CHRDL2: variants seen among roughly 807,000 people sequenced by gnomAD.
The protein encoded by CHRDL2 is chordin like 2.
In CHRDL2, 41 loss-of-function variants were observed where a neutral mutation model predicts 54.3. The ratio of observed to expected loss-of-function variants is 0.76; its 90% CI spans 0.59 to 0.98. The LOEUF (loss-of-function observed/expected upper bound fraction) is 0.98. CHRDL2 is among the 50% of genes least tolerant of loss of function. CHRDL2 has a pLI of 0.00. For missense variants in CHRDL2, 518 were observed against 562.4 expected, an observed-to-expected ratio of 0.92 and a Z score of 0.80; for synonymous variants, 220 against 224.3, an observed-to-expected ratio of 0.98 and a Z score of 0.17.
At chr11:74,698,977 C>G (rs1482668947) in intron 9 of CHRDL2, 1 of 152,288 alleles carries the variant, frequency 6.6e-6, no homozygotes, top group Non-Finnish European at 1.5e-5. Context: ...TTATGGGAAT[C>G]AGCGTGGGAT....
At chr11:74,703,190 G>T in intron 8 of CHRDL2, 115 bp downstream of exon 8, 1 of 1,256,386 alleles carries the variant, frequency 8.0e-7, no homozygotes, top group Non-Finnish European at 1.1e-6. Context: ...GCATCCTGTG[G>T]CACCGATGCA....
chr11:74,729,073 A>C (rs755517298), intron 1 of CHRDL2, among the ~76,000 whole-genome samples: 1 of 152,212 alleles, frequency 6.6e-6, no homozygotes, highest in Non-Finnish European at 1.5e-5. Flanking sequence ...AAAGGCTGAC[A>C]AGATATGGGA....
At chr11:74,723,695 A>C (rs915899747) in intron 1 of CHRDL2, among the ~76,000 whole-genome samples, 4 of 152,194 alleles carry the variant, frequency 2.6e-5, no homozygotes, top group African/African-American at 9.7e-5. Context: ...GACAGCTACC[A>C]AGTGATTAAC....
At chr11:74,725,776 T>C (rs1484488216) in intron 1 of CHRDL2, among the ~76,000 whole-genome samples, 1 of 152,092 alleles carries the variant, frequency 6.6e-6, no homozygotes, top group Non-Finnish European at 1.5e-5. Context: ...AGGTCTGGAA[T>C]TGTGGCTGGC....
intron 7 of CHRDL2, 94 bp downstream of exon 7, chr11:74,704,392 T>C: frequency 8.5e-7 from 1 of 1,175,268 alleles, no homozygotes; most frequent in Non-Finnish European, 1.2e-6. Flanking sequence ...AGGGAACTGC[T>C]GAGGAGAGGG....
At chr11:74,706,371 G>T in intron 6 of CHRDL2, 116 bp downstream of exon 6, 1 of 1,016,412 alleles carries the variant, frequency 9.8e-7, no homozygotes, top group South Asian at 1.4e-5. Flanking sequence ...AGCCAACCCA[G>T]GGGACAAACA....
At chr11:74,706,967 C>T (rs1222837920) in intron 5 of CHRDL2, among the ~76,000 whole-genome samples, 1 of 152,194 alleles carries the variant, frequency 6.6e-6, no homozygotes, top group Non-Finnish European at 1.5e-5. Context: ...GGCAGCCACA[C>T]TTGAAGTCAG....
intron 1 of CHRDL2, among the ~76,000 whole-genome samples, chr11:74,726,491 A>C (rs1484856267): frequency 6.6e-6 from 1 of 152,224 alleles, no homozygotes; most frequent in Non-Finnish European, 1.5e-5. Context: ...TACAAGAATG[A>C]GGATGGGGTC....
In CHRDL2 at chr11:74,731,012, G is replaced by C. The variant is rs79981959; in HGVS notation, c.-124C>G. The C allele has an allele frequency of 2.7e-3, 2,088 of 767,502 alleles. 51 individuals carry two copies. In the East Asian group the frequency reaches 0.047, roughly 17 times the overall value. The allele number at this position is 767,502 out of a possible 1,614,324, so 47.5% of individuals were successfully genotyped here. A position where few individuals can be genotyped will look rare whatever the true frequency, so the allele number is the denominator to read the frequency against. ...CCCCAGGAGGTCTGCTGCTAGAGCG[G>C]GGTCGGAGAAGGGCCAGGAAGCAGC... On this transcript the variant is annotated 5_prime_UTR_variant, in exon 1 of 11. Transcript: ENST00000376332. This position sits in a 1 kb window ranked among gnomAD's most constrained non-coding sequence, Gnocchi z 4.4.
At chr11:74,724,119 T>C (rs1293657497) in intron 1 of CHRDL2, among the ~76,000 whole-genome samples, 1 of 152,238 alleles carries the variant, frequency 6.6e-6, no homozygotes, top group South Asian at 2.1e-4. Context: ...GGCGTGAGCA[T>C]AGGGTCTTCA....
At chr11:74,714,534 G>T (rs1281559110) in intron 2 of CHRDL2, among the ~76,000 whole-genome samples, 2 of 152,210 alleles carry the variant, frequency 1.3e-5, no homozygotes, top group African/African-American at 4.8e-5. Context: ...GAAGACCCTT[G>T]ACTGGCCCTA....
chr11:74,702,696 C>T, intron 9 of CHRDL2, 98 bp downstream of exon 9: 1 of 1,292,622 alleles, frequency 7.7e-7, no homozygotes, highest in Non-Finnish European at 1.1e-6. Context: ...CCAGAGGCAC[C>T]TGATCAGCAA....
intron 3 of CHRDL2, among the ~76,000 whole-genome samples, chr11:74,713,092 AG>A (rs1412796593): frequency 6.6e-6 from 1 of 152,108 alleles, no homozygotes; most frequent in Non-Finnish European, 1.5e-5. Flanking sequence ...GGCCCAAGGG[AG>A]ACTGGAGCCT....
intron 4 of CHRDL2, among the ~76,000 whole-genome samples, chr11:74,709,946 G>A (rs1234451398): frequency 1.3e-5 from 2 of 152,226 alleles, no homozygotes; most frequent in African/African-American, 4.8e-5. Flanking sequence ...GCTGGGCGCG[G>A]TGGCTCACGC....
intron 1 of CHRDL2, among the ~76,000 whole-genome samples, chr11:74,728,157 G>T (rs556232721): frequency 6.6e-6 from 1 of 152,298 alleles, no homozygotes; most frequent in African/African-American, 2.4e-5. Flanking sequence ...AATACTTTTT[G>T]TTTGAATAGC....
intron 10 of CHRDL2, among the ~76,000 whole-genome samples, chr11:74,696,866 G>A (rs2033613006): frequency 6.6e-6 from 1 of 152,164 alleles, no homozygotes; most frequent in African/African-American, 2.4e-5. Context: ...CCCCACCTGG[G>A]TCCATCTTCC....
Position 74,696,542 on chromosome 11 carries a change from G to A in CHRDL2, c.1257C>T (p.Val419=), listed in dbSNP as rs1218725448. The A allele has an allele frequency of 3.1e-6, 5 of 1,614,014 alleles. No homozygotes were observed. In the African/African-American group the frequency reaches 6.7e-5, roughly 22 times the overall value. The change falls in exon 11 of 11, where the codon GTC becomes GTT. Residue 419 remains valine (V), a synonymous_variant. Transcript: ENST00000376332. ...TGGTCACTTTGTCTGGACTGGCCGTGACCTTCAGCTCCAGGGTCTGGGCTA... is the reference window on the plus strand; with the variant it reads ...TGGTCACTTTGTCTGGACTGGCCGTAACCTTCAGCTCCAGGGTCTGGGCTA... ...VFLAQTLELK[V]TASPDKVTKT
At chr11:74,717,114 A>AACG (rs2034379812) in intron 2 of CHRDL2, among the ~76,000 whole-genome samples, 1 of 151,742 alleles carries the variant, frequency 6.6e-6, no homozygotes, top group African/African-American at 2.4e-5. Flanking sequence ...ACAAACAAAA[A>AACG]AAAAAAACCA....
intron 1 of CHRDL2, among the ~76,000 whole-genome samples, chr11:74,728,966 G>A (rs926010346): frequency 6.6e-6 from 1 of 152,334 alleles, no homozygotes; most frequent in East Asian, 1.9e-4. Flanking sequence ...GAGAGGTACA[G>A]AGCTGAAGGC....
Sources: allele counts gnomAD v4.1 joint callset (sites outside exome capture counted in the v4.1 genomes callset), GRCh38; gene constraint gnomAD v4.1.1; non-coding constraint Gnocchi (gnomAD v3.1); transcripts MANE v1.5; gene names NCBI Gene and HGNC (gene_info 2026-07-23, HGNC 2026-07-21).